The following RNF38 variants were observed in gnomAD, a reference collection of about 807,000 sequenced individuals.
RNF38 encodes the protein E3 ubiquitin-protein ligase RNF38.
Under a neutral mutation model 67.2 loss-of-function variants are expected in RNF38, and 15 were observed. The observed-to-expected ratio is 0.22, with a 90% CI of 0.15 to 0.34. The LOEUF (loss-of-function observed/expected upper bound fraction) is 0.34. Ranked by LOEUF, RNF38 falls within the 10% of genes least tolerant of loss-of-function variation. The pLI is 1.00. For missense variants in RNF38, 524 were observed against 639.9 expected, an observed-to-expected ratio of 0.82 and a Z score of 1.95; for synonymous variants, 220 against 218.8, an observed-to-expected ratio of 1.01 and a Z score of -0.05.
intron 2 of RNF38, among the ~76,000 whole-genome samples, chr9:36,389,957 A>G (rs1015426111): frequency 6.6e-6 from 1 of 152,196 alleles, no homozygotes; most frequent in African/African-American, 2.4e-5. Flanking sequence ...AATGAGTTTC[A>G]ATCCATTTAC....
intron 11 of RNF38, among the ~76,000 whole-genome samples, chr9:36,340,654 G>GA (rs1449816808): frequency 3.3e-5 from 5 of 152,212 alleles, no homozygotes; most frequent in African/African-American, 1.2e-4. Context: ...TTACATGCCT[G>GA]AGTCACCATT....
intron 2 of RNF38, among the ~76,000 whole-genome samples, chr9:36,387,677 T>C (rs905674582): frequency 2.6e-5 from 4 of 152,206 alleles, no homozygotes; most frequent in Non-Finnish European, 5.9e-5. Context: ...TAAAATATTG[T>C]ATGAAGCACT....
At chr9:36,439,992 T>A (rs1839158591) in intron 1 of RNF38, among the ~76,000 whole-genome samples, 2 of 152,024 alleles carry the variant, frequency 1.3e-5, no homozygotes, top group Non-Finnish European at 2.9e-5. Flanking sequence ...ATGCCTGTAA[T>A]CCCAGCAGTT....
chr9:36,477,297 T>A (rs1366695555), intron 1 of RNF38, among the ~76,000 whole-genome samples: 1 of 149,212 alleles, frequency 6.7e-6, no homozygotes, highest in Non-Finnish European at 1.5e-5. Flanking sequence ...CACTCCAGCC[T>A]GGGTGACAGA....
chr9:36,431,245 T>C (rs1032622666), intron 1 of RNF38, among the ~76,000 whole-genome samples: 5 of 152,210 alleles, frequency 3.3e-5, no homozygotes, highest in Admixed American at 3.3e-4. Flanking sequence ...GGTAACTGAA[T>C]CGTTGTGCGA....
chr9:36,455,099 G>A (rs560122894), intron 1 of RNF38, among the ~76,000 whole-genome samples: 149 of 150,050 alleles, frequency 9.9e-4, no homozygotes, highest in Middle Eastern at 3.5e-3. Context: ...TCATTCTGTC[G>A]CCATGTGCAG....
Position 36,450,689 on chromosome 9 carries a change from C to T in RNF38, n.242-26006G>A, listed in dbSNP as rs779761484. ...TAGCACTTTGGGAGGCTGAGGTGGG[C>T]GAATCACCTGAGGTCAGGAGTTTGA... On this transcript the variant is annotated intron_variant and non_coding_transcript_variant, in intron 1 of 3. Coordinates refer to the RNF38 transcript ENST00000488058. Among the ~76,000 whole-genome samples, 74 of 151,496 alleles carry T rather than the reference C, an allele frequency of 4.9e-4. 2 individuals carry two copies. The highest frequency in any genetic ancestry group is 3.7e-3 in the Admixed American group (56 of 15,226).
intron 2 of RNF38, among the ~76,000 whole-genome samples, chr9:36,419,168 A>T (rs1838554988): frequency 6.6e-6 from 1 of 152,222 alleles, no homozygotes; most frequent in African/African-American, 2.4e-5. Context: ...TGGGATGCTC[A>T]ACCAGTATAT....
chr9:36,444,548 C>A (rs1046744075), intron 1 of RNF38, among the ~76,000 whole-genome samples: 2 of 152,066 alleles, frequency 1.3e-5, no homozygotes, highest in Non-Finnish European at 2.9e-5. Flanking sequence ...GCCTGTAATC[C>A]CAGCACTTTG....
intron 3 of RNF38, 76 bp from the exon 4 acceptor site, chr9:36,370,008 T>C: frequency 8.3e-7 from 1 of 1,198,970 alleles, no homozygotes; most frequent in Non-Finnish European, 1.2e-6. Flanking sequence ...TTCTTTGATA[T>C]CTATCAATAG....
At chr9:36,466,878 T>G (rs966038395) in intron 1 of RNF38, among the ~76,000 whole-genome samples, 1 of 151,612 alleles carries the variant, frequency 6.6e-6, no homozygotes, top group African/African-American at 2.4e-5. Flanking sequence ...ATAAAAAAAT[T>G]TGAAAAGGCA....
At chr9:36,368,107 G>C (rs887449536) in intron 4 of RNF38, among the ~76,000 whole-genome samples, 1 of 152,184 alleles carries the variant, frequency 6.6e-6, no homozygotes, top group African/African-American at 2.4e-5. Flanking sequence ...GCCTGCTTCA[G>C]ACTCCCAAAG....
At chr9:36,401,161 C>T, upstream of RNF38, 1 of 985,084 alleles carries the variant, frequency 1.0e-6, no homozygotes, top group Non-Finnish European at 1.2e-6. Flanking sequence ...CTCCGCACCG[C>T]GCGCCGAACC....
rs773993914 is a variant in RNF38 at position 36,375,948 on chromosome 9, T to C, written c.342A>G (p.Ala114=). 6.2e-6 allele frequency: 10 copies of C among 1,611,856 alleles called. No individual in the cohort carries two copies. In the Admixed American group the frequency reaches 1.7e-4, roughly 27 times the overall value. The change falls in exon 3 of 12, where the codon GCA becomes GCG. Residue 114 remains alanine, a synonymous_variant. Coordinates refer to ENST00000259605, the MANE Select transcript of RNF38 (RefSeq NM_022781.5). ...HFSGERCNTP[A]RNRRSPPVRR... ...AATCAACTAACCTTCTTCTGTTGCG[T>C]GCAGGTGTGTTGCATCGTTCCCCTG...
At chr9:36,404,916 T>G (rs1246692318), upstream of RNF38, among the ~76,000 whole-genome samples, 2 of 28,654 alleles carry the variant, frequency 7.0e-5, no homozygotes, top group Non-Finnish European at 2.3e-4. Flanking sequence ...TGTAGTTTTG[T>G]TTTTTTTTAA....
Position 36,339,508 on chromosome 9 carries a change from C to T in RNF38, c.*244G>A. ...ACAAAAACCAGGGAATGTTAGTGCA[C>T]ACACAAAATTAAGCTAAAGAAAAAG... On this transcript the variant is annotated 3_prime_UTR_variant, in exon 12 of 12. Transcript: ENST00000259605. The T allele has an allele frequency of 2.1e-6, 1 of 475,712 alleles. No individual in the cohort carries two copies. Among genetic ancestry groups the T allele is most frequent in the Non-Finnish European group, 3.8e-6 (1 of 263,800 alleles). 29.5% of individuals were successfully genotyped at this position (475,712 alleles called of 1,614,324 possible).
At chr9:36,401,166 C>G (rs1189552835), upstream of RNF38, 1 of 984,930 alleles carries the variant, frequency 1.0e-6, no homozygotes, top group Non-Finnish European at 1.2e-6. Context: ...CACCGCGCGC[C>G]GAACCCCCTT....
intron 1 of RNF38, among the ~76,000 whole-genome samples, chr9:36,433,763 A>G (rs145208947): frequency 1.6e-3 from 239 of 152,256 alleles, no homozygotes; most frequent in Non-Finnish European, 2.7e-3. Context: ...CAAAAGAAAA[A>G]TTAAAGTAAA....
intron 1 of RNF38, among the ~76,000 whole-genome samples, chr9:36,469,101 G>C (rs1459112235): frequency 6.6e-6 from 1 of 152,044 alleles, no homozygotes; most frequent in Admixed American, 6.6e-5. Context: ...GACAGAGCAA[G>C]AGTCCATCTC....
Sources: gnomAD v4.1 joint callset for allele counts (sites outside exome capture counted in the v4.1 genomes callset) on GRCh38, gnomAD v4.1.1 for gene constraint, MANE v1.5 for transcripts, NCBI Gene and HGNC (gene_info 2026-07-23, HGNC 2026-07-21) for gene names.